EWSR1: variants seen among roughly 807,000 people sequenced by gnomAD.
EWSR1 encodes EWS RNA binding protein 1, also known as RNA-binding protein EWS.
Under a neutral mutation model 92.1 loss-of-function variants are expected in EWSR1, and 14 were observed. The ratio of observed to expected loss-of-function variants is 0.15; its 90% confidence interval spans 0.10 to 0.24. The LOEUF (loss-of-function observed/expected upper bound fraction) is 0.24, where lower values mean the gene tolerates loss of function less well. Among genes scored for constraint, EWSR1 ranks in the 10% least tolerant of loss-of-function variants. The pLI, the probability that EWSR1 is intolerant of heterozygous loss-of-function variation, is 1.00. For missense variants in EWSR1, 637 were observed against 870.9 expected (o/e 0.73, Z 3.38); for synonymous variants, 303 against 292.9 (o/e 1.03, Z -0.35).
At chr22:29,289,941 G>A (rs1010346707) in intron 8 of EWSR1, 4 of 230,964 alleles carry the variant, frequency 1.7e-5, no homozygotes, top group African/African-American at 8.9e-5. Flanking sequence ...TATTATAAAG[G>A]TTTCACTTCT....
Position 29,272,369 on chromosome 22 carries a change from T to A in EWSR1, c.51-11T>A. The A allele has an allele frequency of 1.9e-6, 3 of 1,614,014 alleles. No homozygotes were observed. Among genetic ancestry groups the A allele is most frequent in the Non-Finnish European group, 2.5e-6 (3 of 1,180,000 alleles). ...TCTCTATTCAAGTTATTGCATTTAATTCTTTTGCAGCTACAGTGCTTACAC... is the reference window on the plus strand; with the variant it reads ...TCTCTATTCAAGTTATTGCATTTAAATCTTTTGCAGCTACAGTGCTTACAC... On this transcript the variant is annotated splice_polypyrimidine_tract_variant and intron_variant, in intron 2 of 16. Transcript: ENST00000397938.
intron 6 of EWSR1, among the ~76,000 whole-genome samples, chr22:29,283,633 C>A (rs1188986951): frequency 6.6e-6 from 1 of 150,796 alleles, no homozygotes; most frequent in African/African-American, 2.5e-5. Context: ...TCAAGTGATT[C>A]TCCTGCTTCA....
At chr22:29,296,856 C>T (rs929777558) in intron 12 of EWSR1, among the ~76,000 whole-genome samples, 1 of 152,058 alleles carries the variant, frequency 6.6e-6, no homozygotes, top group African/African-American at 2.4e-5. Context: ...GCCTGGGGAA[C>T]ATGGCAAAAC....
chr22:29,296,547 A>G (rs2147740637), intron 12 of EWSR1, among the ~76,000 whole-genome samples, 179 bp downstream of exon 12: 1 of 152,298 alleles, frequency 6.6e-6, no homozygotes, highest in African/African-American at 2.4e-5. Context: ...AGATCCCTTT[A>G]TTTTGAGGCA....
intron 4 of EWSR1, 176 bp from the exon 5 acceptor site, chr22:29,277,854 A>G: frequency 1.7e-6 from 1 of 582,580 alleles, no homozygotes; most frequent in South Asian, 2.5e-5. Context: ...AGGTACATTC[A>G]GAGAACTTAG....
rs779156750 is a variant in EWSR1, at chr22:29,278,133, C to T, written c.330C>T (p.Ala110=). 1.2e-6 allele frequency: 2 copies of T among 1,614,228 alleles called. No homozygotes were observed. Among genetic ancestry groups the T allele is most frequent in the South Asian group, 2.2e-5 (2 of 91,086 alleles). Residue 110 remains alanine, a synonymous_variant, in exon 5 of 17, where the codon GCC becomes GCT. Coordinates refer to ENST00000397938, the MANE Select transcript of EWSR1 (RefSeq NM_005243.4). Reference sequence around the variant, plus strand: ...CTGCTACAGTCACCACCACCCAGGCCTCCTATGCAGCTCAGTCTGCATATG... The same window carrying T: ...CTGCTACAGTCACCACCACCCAGGCTTCCTATGCAGCTCAGTCTGCATATG... ...TTTATVTTTQ[A]SYAAQSAYGT... is the part of the protein sequence containing the mutation.
In EWSR1 at chr22:29,279,024, C is replaced by T. The variant is rs183470218; in HGVS notation, c.413+808C>T. ...AAAAAAAAAAGTGAAATGGTGCTAT[C>T]GAAGGGTCAAAATGAGGAATGGCAC... On this transcript the variant is annotated intron_variant, in intron 5 of 16. Coordinates refer to ENST00000397938, the MANE Select transcript of EWSR1 (RefSeq NM_005243.4). 3.0e-4 allele frequency among the ~76,000 whole-genome samples: 46 copies of T among 151,186 alleles called. No homozygotes were observed. The East Asian group carries it at 7.4e-3, about 24-fold the overall frequency.
intron 11 of EWSR1, chr22:29,295,557 CAG>C: frequency 4.5e-6 from 1 of 222,116 alleles, no homozygotes; most frequent in Non-Finnish European, 9.0e-6. Context: ...TTTTTTAAGT[CAG>C]AGGTATCAAT....
Position 29,299,596 on chromosome 22 carries a change from T to TAGGTGGTGATCGTGGCAG in EWSR1, c.1683_1700dup. 1 of 1,594,190 alleles carries TAGGTGGTGATCGTGGCAG rather than the reference T, an allele frequency of 6.3e-7. No individual in the cohort carries two copies. Among genetic ancestry groups the TAGGTGGTGATCGTGGCAG allele is most frequent in the Non-Finnish European group, 8.6e-7 (1 of 1,168,440 alleles). On this transcript the variant is annotated splice_polypyrimidine_tract_variant and splice_region_variant and intron_variant, in intron 15 of 16. Transcript: ENST00000397938. ...TGCTTTCGCCCTGCTATTCTCACCT[T>TAGGTGGTGATCGTGGCAG]AGGTGGTGATCGTGGCAGAGGTGGC...
Position 29,299,674 on chromosome 22 carries a change from G to C in EWSR1, c.1754G>C (p.Gly585Ala). The C allele has an allele frequency of 6.2e-7, 1 of 1,612,500 alleles. No individual in the cohort carries two copies. The highest frequency in any genetic ancestry group is 8.5e-7 in the Non-Finnish European group (1 of 1,179,326). The change falls in exon 16 of 17, where the codon GGT becomes GCT. Residue 585 changes from glycine (G) to alanine (A), a missense_variant. Transcript: ENST00000397938. Reference sequence around the variant, plus strand: ...GGCCTCATGGATCGTGGTGGTCCCGGTGGAATGTTCAGAGGTGGCCGTGGT... The same window carrying C: ...GGCCTCATGGATCGTGGTGGTCCCGCTGGAATGTTCAGAGGTGGCCGTGGT... The part of the protein sequence containing the change: ...RGGLMDRGGP[G>A]GMFRGGRGGD...
chr22:29,298,668 A>C, intron 13 of EWSR1, 65 bp from the exon 14 acceptor site: 2 of 1,595,234 alleles, frequency 1.3e-6, no homozygotes, highest in Non-Finnish European at 1.7e-6. Context: ...AGTGATTTTT[A>C]TTTCCTATAG....
intron 4 of EWSR1, chr22:29,274,509 C>T (rs2058950137): frequency 1.2e-5 from 6 of 512,880 alleles, no homozygotes; most frequent in Non-Finnish European, 1.8e-5. Flanking sequence ...TTGTTTCAAG[C>T]CTTAATAATA....
intron 1 of EWSR1, among the ~76,000 whole-genome samples, chr22:29,271,727 G>A (rs1486850195): frequency 1.3e-5 from 2 of 152,206 alleles, no homozygotes; most frequent in African/African-American, 4.8e-5. Context: ...AGGGAATGAT[G>A]GTTTGTCTAA....
At chr22:29,274,532 C>T in intron 4 of EWSR1, 2 of 463,342 alleles carry the variant, frequency 4.3e-6, no homozygotes, top group South Asian at 3.6e-5. Context: ...TATTTACCTT[C>T]CCAAAGGTAT....
chr22:29,268,942 C>A (rs1014549595), intron 1 of EWSR1, among the ~76,000 whole-genome samples: 2 of 152,250 alleles, frequency 1.3e-5, no homozygotes, highest in Non-Finnish European at 2.9e-5. Context: ...CTTCCAGCCC[C>A]AAGCCGAACT....
intron 8 of EWSR1, 73 bp from the exon 9 acceptor site, chr22:29,291,489 G>A (rs2060436328): frequency 2.0e-6 from 3 of 1,466,712 alleles, no homozygotes; most frequent in East Asian, 2.3e-5. Context: ...TCTTCCCCAC[G>A]AGCCCCCCCA....
chr22:29,286,808 C>T (rs1045447567), intron 6 of EWSR1, 115 bp from the exon 7 acceptor site: 8 of 687,414 alleles, frequency 1.2e-5, no homozygotes, highest in African/African-American at 1.1e-4. Flanking sequence ...AAAGTAACTA[C>T]TGTTTTATGG....
intron 4 of EWSR1, chr22:29,276,368 A>G (rs1370947961): frequency 4.4e-6 from 1 of 226,872 alleles, no homozygotes; most frequent in African/African-American, 2.2e-5. Context: ...GTATACTTTC[A>G]TACACATTTT....
intron 10 of EWSR1, 72 bp downstream of exon 10, chr22:29,292,241 A>T: frequency 1.4e-6 from 2 of 1,400,976 alleles, no homozygotes; most frequent in Non-Finnish European, 2.0e-6. Context: ...ATGCATGCGT[A>T]GAGTTCAGCA....
Sources: allele counts gnomAD v4.1 joint callset (sites outside exome capture counted in the v4.1 genomes callset), GRCh38; gene constraint gnomAD v4.1.1; transcripts MANE v1.5; gene names NCBI Gene and HGNC (gene_info 2026-07-23, HGNC 2026-07-21).